OTOGL: variants seen among roughly 807,000 people sequenced by gnomAD.
OTOGL encodes otogelin-like protein.
A neutral mutation model predicts 318.5 loss-of-function variants in OTOGL; 285 were observed. The ratio of observed to expected loss-of-function variants is 0.89; its 90% CI spans 0.81 to 0.99. The LOEUF (loss-of-function observed/expected upper bound fraction) is 0.99. OTOGL is among the 50% of genes least tolerant of loss of function. The pLI is 0.00. For missense variants in OTOGL, 2,899 were observed against 2,845.6 expected, an observed-to-expected ratio of 1.02 and a Z score of -0.43; for synonymous variants, 987 against 936.5, an observed-to-expected ratio of 1.05 and a Z score of -0.99.
intron 5 of OTOGL, among the ~76,000 whole-genome samples, chr12:80,219,215 G>A (rs1878045947): frequency 6.6e-6 from 1 of 152,116 alleles, no homozygotes; most frequent in Non-Finnish European, 1.5e-5. Flanking sequence ...GGGTTCAAGT[G>A]ATTCTCCTGC....
intron 1 of OTOGL, among the ~76,000 whole-genome samples, chr12:80,160,970 G>A (rs1404935029): frequency 6.6e-6 from 1 of 152,086 alleles, no homozygotes; most frequent in Non-Finnish European, 1.5e-5. Flanking sequence ...TCTAAGTGAA[G>A]TAACTCAGGA....
chr12:80,306,428 CTGT>C (rs1214579552), intron 29 of OTOGL, among the ~76,000 whole-genome samples: 1 of 152,104 alleles, frequency 6.6e-6, no homozygotes. Context: ...TCTTTTTAGC[CTGT>C]TGTTCTTTTC....
intron 1 of OTOGL, among the ~76,000 whole-genome samples, chr12:80,180,878 G>T (rs1287927989): frequency 6.6e-6 from 1 of 152,096 alleles, no homozygotes; most frequent in Non-Finnish European, 1.5e-5. Context: ...TCTTTGTGAG[G>T]ATCTGTATTT....
Position 80,332,939 on chromosome 12 carries a change from C to T in OTOGL, c.4349-66C>T, listed in dbSNP as rs1037676557. 3.1e-6 allele frequency: 4 copies of T among 1,302,130 alleles called. No individual in the cohort carries two copies. The South Asian group carries it at 3.9e-5, about 13-fold the overall frequency. 80.7% of individuals were successfully genotyped at this position (1,302,130 alleles called of 1,614,324 possible). ...CAAAATTTCTTAGCACAGTTTCTGT[C>T]ACATATCAATTCCATGCAAGATAAA... On this transcript the variant is annotated intron_variant, in intron 37 of 58. Transcript: ENST00000547103.
intron 30 of OTOGL, among the ~76,000 whole-genome samples, chr12:80,312,712 G>A (rs1166844970): frequency 6.6e-6 from 1 of 152,208 alleles, no homozygotes; most frequent in East Asian, 1.9e-4. Flanking sequence ...GAACCACAGA[G>A]CCTGCTGGTT....
intron 1 of OTOGL, among the ~76,000 whole-genome samples, chr12:80,195,409 T>C (rs1434405228): frequency 6.6e-6 from 1 of 152,186 alleles, no homozygotes; most frequent in African/African-American, 2.4e-5. Flanking sequence ...ATGATTACTT[T>C]ATGGAATATA....
intron 29 of OTOGL, among the ~76,000 whole-genome samples, chr12:80,310,096 A>G (rs2137785773): frequency 6.6e-6 from 1 of 152,312 alleles, no homozygotes; most frequent in East Asian, 1.9e-4. Flanking sequence ...CAGAGGCAGC[A>G]AAAGTCAAGC....
intron 1 of OTOGL, among the ~76,000 whole-genome samples, chr12:80,117,365 A>G (rs965885888): frequency 5.3e-5 from 8 of 152,134 alleles, no homozygotes; most frequent in African/African-American, 1.9e-4. Context: ...TAATTATTCA[A>G]TTCATTTAAG....
chr12:80,278,352 G>A, intron 25 of OTOGL, 77 bp downstream of exon 25: 1 of 1,177,328 alleles, frequency 8.5e-7, no homozygotes. Context: ...TTTATTTAAT[G>A]AGACTGACAT....
At chr12:80,352,512 CT>C in intron 45 of OTOGL, 76 bp downstream of exon 45, 1 of 1,248,458 alleles carries the variant, frequency 8.0e-7, no homozygotes. Context: ...CCTTCTTTTT[CT>C]TTTTTATCAT....
At chr12:80,347,243 A>G (rs1889253921) in intron 44 of OTOGL, among the ~76,000 whole-genome samples, 1 of 151,520 alleles carries the variant, frequency 6.6e-6, no homozygotes, top group South Asian at 2.1e-4. Flanking sequence ...GCACCCAACA[A>G]CCCATCAACC....
chr12:80,107,398 T>G (rs1044793666), intron 1 of OTOGL, among the ~76,000 whole-genome samples: 4 of 152,116 alleles, frequency 2.6e-5, no homozygotes, highest in African/African-American at 9.7e-5. Context: ...TCAGTCAGAA[T>G]TTTTGGCTAT....
intron 52 of OTOGL, 154 bp from the exon 53 acceptor site, chr12:80,366,416 GTGTC>G: frequency 2.2e-6 from 1 of 464,388 alleles, no homozygotes; most frequent in Non-Finnish European, 4.2e-6. Flanking sequence ...TGATTTTAAA[GTGTC>G]TGGCTGTGTG....
chr12:80,113,890 C>T (rs1250469782), intron 1 of OTOGL, among the ~76,000 whole-genome samples: 3 of 151,940 alleles, frequency 2.0e-5, no homozygotes, highest in African/African-American at 4.8e-5. Flanking sequence ...TGCCTTTTTT[C>T]ATCTTTTTTG....
intron 1 of OTOGL, among the ~76,000 whole-genome samples, chr12:80,113,279 C>T (rs1377454170): frequency 6.6e-6 from 1 of 151,970 alleles, no homozygotes; most frequent in Non-Finnish European, 1.5e-5. Flanking sequence ...TTAGTTATTT[C>T]TTGTCTTCTT....
chr12:80,261,651 T>G (rs1471594684), intron 18 of OTOGL, among the ~76,000 whole-genome samples: 1 of 152,132 alleles, frequency 6.6e-6, no homozygotes, highest in Non-Finnish European at 1.5e-5. Context: ...GCTTTGATAC[T>G]TAGCAGCTTA....
intron 1 of OTOGL, among the ~76,000 whole-genome samples, chr12:80,119,627 G>T (rs1870371684): frequency 6.6e-6 from 1 of 152,124 alleles, no homozygotes. Flanking sequence ...ATCAGAGTTA[G>T]TGGCCCCTTC....
At chr12:80,154,766 T>A (rs1167963309) in intron 1 of OTOGL, among the ~76,000 whole-genome samples, 1 of 152,240 alleles carries the variant, frequency 6.6e-6, no homozygotes, top group East Asian at 1.9e-4. Flanking sequence ...GGTTTTTGTG[T>A]GGACAGTTTT....
intron 1 of OTOGL, among the ~76,000 whole-genome samples, chr12:80,168,499 G>T (rs11831527): frequency 0.076 from 11,532 of 152,176 alleles, 477 homozygotes; most frequent in Middle Eastern, 0.16. Context: ...AATGATAAAA[G>T]TCAACTGCTG....
Sources: gnomAD v4.1 joint callset for allele counts (sites outside exome capture counted in the v4.1 genomes callset) on GRCh38, gnomAD v4.1.1 for gene constraint, MANE v1.5 for transcripts, NCBI Gene and HGNC (gene_info 2026-07-23, HGNC 2026-07-21) for gene names.